The following RYR2 variants were observed in gnomAD, a reference collection of about 807,000 sequenced individuals.
RYR2 encodes the protein ryanodine receptor 2, also known as cardiac muscle ryanodine receptor-calcium release channel.
Under a neutral mutation model 601.1 loss-of-function variants are expected in RYR2, and 227 were observed. The observed-to-expected ratio is 0.38, with a 90% CI of 0.34 to 0.42. The LOEUF (loss-of-function observed/expected upper bound fraction) is 0.42, where lower values mean the gene tolerates loss of function less well. Among genes scored for constraint, RYR2 ranks in the 10% least tolerant of loss-of-function variants. The pLI is 1.00. For synonymous variants in RYR2, 2,223 were observed against 2,175.1 expected, an observed-to-expected ratio of 1.02 and a Z score of -0.61; for missense variants, 4,646 against 6,156.5, an observed-to-expected ratio of 0.75 and a Z score of 8.21.
intron 1 of RYR2, among the ~76,000 whole-genome samples, chr1:237,119,908 G>A (rs1670589479): frequency 6.6e-6 from 1 of 152,226 alleles, no homozygotes; most frequent in Middle Eastern, 3.4e-3. Context: ...AGTGATAAAC[G>A]AGTTATCCCT....
intron 98 of RYR2, among the ~76,000 whole-genome samples, chr1:237,804,825 A>G (rs1175132987): frequency 6.6e-6 from 1 of 152,170 alleles, no homozygotes; most frequent in African/African-American, 2.4e-5. Context: ...TGATTTAGTC[A>G]GTGAATAAAT....
At chr1:237,263,803 T>C (rs1459452882) in intron 1 of RYR2, among the ~76,000 whole-genome samples, 2 of 152,192 alleles carry the variant, frequency 1.3e-5, no homozygotes, top group East Asian at 3.8e-4. Flanking sequence ...TTACAGGCTT[T>C]GGTGATCACC....
chr1:237,276,213 T>G (rs1421600430), intron 2 of RYR2, among the ~76,000 whole-genome samples: 2 of 152,174 alleles, frequency 1.3e-5, no homozygotes, highest in African/African-American at 4.8e-5. Flanking sequence ...AATTCTCCTT[T>G]CTCAGCCTCC....
chr1:237,201,664 G>A (rs1681207872), intron 1 of RYR2, among the ~76,000 whole-genome samples: 1 of 152,068 alleles, frequency 6.6e-6, no homozygotes, highest in African/African-American at 2.4e-5. Flanking sequence ...TCATTACTGA[G>A]GTTGAAAAAA....
intron 48 of RYR2, among the ~76,000 whole-genome samples, chr1:237,646,011 G>C (rs1438372948): frequency 6.6e-6 from 1 of 151,554 alleles, no homozygotes; most frequent in East Asian, 2.0e-4. Flanking sequence ...CGAGTAGCTG[G>C]GACTACAGGC....
At chr1:237,271,614 T>C (rs948644103) in intron 2 of RYR2, among the ~76,000 whole-genome samples, 1 of 152,124 alleles carries the variant, frequency 6.6e-6, no homozygotes, top group Non-Finnish European at 1.5e-5. Context: ...AGGCATAGTT[T>C]TTCATCTCTT....
rs372125472 is a variant in RYR2 at position 237,617,496 on chromosome 1, T to C, written c.5916+10T>C. 8.7e-6 allele frequency: 14 copies of C among 1,607,954 alleles called. No homozygotes were observed. In the African/African-American group the frequency reaches 1.9e-4, roughly 22 times the overall value. ...ACCACCTCAAGAACAGGTACAGAAA[T>C]GAAATGAAAATTCTTCGTATTTATG... On this transcript the variant is annotated intron_variant, in intron 38 of 104. Transcript: ENST00000366574.
chr1:237,660,697 A>C (rs1203035486), intron 55 of RYR2, 113 bp from the exon 56 acceptor site: 1 of 863,832 alleles, frequency 1.2e-6, no homozygotes, highest in Non-Finnish European at 1.7e-6. Flanking sequence ...TAAATAAGCT[A>C]TGCTCATCAA....
intron 101 of RYR2, among the ~76,000 whole-genome samples, chr1:237,820,064 A>C (rs960514840): frequency 6.6e-6 from 1 of 150,918 alleles, no homozygotes; most frequent in Non-Finnish European, 1.5e-5. Flanking sequence ...GTGTGAACCT[A>C]TAATCCCAGC....
intron 83 of RYR2, among the ~76,000 whole-genome samples, chr1:237,760,361 TAAAAAAAAA>T (rs34435442): frequency 1.0e-5 from 1 of 100,114 alleles, no homozygotes; most frequent in Non-Finnish European, 1.9e-5. Context: ...GTCGCTAATT[TAAAAAAAAA>T]AAAAAAAAAA....
intron 96 of RYR2, among the ~76,000 whole-genome samples, chr1:237,797,320 T>A (rs12751842): frequency 0.056 from 8,505 of 152,134 alleles, 319 homozygotes; most frequent in African/African-American, 0.1. Context: ...ACATGGAATC[T>A]ATACTAGATG....
At chr1:237,812,384 G>A (rs952440825) in intron 100 of RYR2, among the ~76,000 whole-genome samples, 3 of 152,098 alleles carry the variant, frequency 2.0e-5, no homozygotes, top group Non-Finnish European at 4.4e-5. Context: ...TGCTAAGCTC[G>A]TTCTTTTTTC....
At chr1:237,288,768 C>T (rs1031924970) in intron 2 of RYR2, among the ~76,000 whole-genome samples, 1 of 152,078 alleles carries the variant, frequency 6.6e-6, no homozygotes, top group East Asian at 1.9e-4. Flanking sequence ...GGGCTTGGTT[C>T]CTCCCCTGCC....
chr1:237,143,605 GCC>G (rs966156133), intron 1 of RYR2, among the ~76,000 whole-genome samples: 3 of 152,036 alleles, frequency 2.0e-5, no homozygotes, highest in Non-Finnish European at 4.4e-5. Context: ...GTCTCCCGTG[GCC>G]CCCTTGCTTG....
intron 48 of RYR2, among the ~76,000 whole-genome samples, chr1:237,646,871 G>A (rs971144484): frequency 6.6e-6 from 1 of 152,172 alleles, no homozygotes; most frequent in Non-Finnish European, 1.5e-5. Flanking sequence ...TGTCTCCAGT[G>A]TGTTTGAGGA....
intron 1 of RYR2, among the ~76,000 whole-genome samples, chr1:237,136,429 T>C (rs1045701575): frequency 6.6e-6 from 1 of 152,158 alleles, no homozygotes; most frequent in South Asian, 2.1e-4. Context: ...CTGAGAGCTA[T>C]AAATGACATA....
Position 237,732,236 on chromosome 1 carries a change from T to C in RYR2, c.11039+87T>C, listed in dbSNP as rs1352344044. On this transcript the variant is annotated intron_variant, in intron 78 of 104. Coordinates refer to ENST00000366574, the MANE Select transcript of RYR2 (RefSeq NM_001035.3). ...TATTCTGTGCCATGTGTTCATGTTT[T>C]AAGTTCATCTTGTTGTTGTTAGGAG... 6.8e-6 allele frequency: 5 copies of C among 740,072 alleles called. No individual in the cohort carries two copies. The African/African-American group carries it at 8.8e-5, about 13-fold the overall frequency. 45.8% of individuals were successfully genotyped at this position (740,072 alleles called of 1,614,324 possible).
intron 1 of RYR2, among the ~76,000 whole-genome samples, chr1:237,228,485 T>G (rs577362652): frequency 1.3e-3 from 198 of 152,362 alleles, no homozygotes; most frequent in African/African-American, 4.6e-3. Context: ...CTCTGGGAAC[T>G]TAACTCTTGT....
At chr1:237,753,187 G>C (rs1692679228) in intron 80 of RYR2, among the ~76,000 whole-genome samples, 3 of 152,140 alleles carry the variant, frequency 2.0e-5, no homozygotes. Flanking sequence ...CCATTACAAA[G>C]ATAAACTATT....
Sources: gnomAD v4.1 joint callset for allele counts (sites outside exome capture counted in the v4.1 genomes callset) on GRCh38, gnomAD v4.1.1 for gene constraint, MANE v1.5 for transcripts, NCBI Gene and HGNC (gene_info 2026-07-23, HGNC 2026-07-21) for gene names.